The following THSD7A variants were observed in gnomAD, a reference collection of about 807,000 sequenced individuals.
THSD7A encodes thrombospondin type 1 domain containing 7A.
Under a neutral mutation model 231.3 loss-of-function variants are expected in THSD7A, and 96 were observed. That is an observed-to-expected ratio of 0.41 (90% CI 0.35 to 0.49). The LOEUF (loss-of-function observed/expected upper bound fraction) is 0.49. Among genes scored for constraint, THSD7A ranks in the 20% least tolerant of loss-of-function variants. THSD7A has a pLI of 0.05. For missense variants in THSD7A, 2,290 were observed against 2,070.2 expected (o/e 1.11, Z -2.06); for synonymous variants, 940 against 743.3 (o/e 1.26, Z -4.30).
chr7:11,760,105 A>G (rs1399200247), intron 1 of THSD7A, among the ~76,000 whole-genome samples: 1 of 152,108 alleles, frequency 6.6e-6, no homozygotes, highest in Non-Finnish European at 1.5e-5. Flanking sequence ...AAAGATGATG[A>G]TAGACACCTT....
chr7:11,784,147 T>C (rs1304800116), intron 1 of THSD7A, among the ~76,000 whole-genome samples: 1 of 152,012 alleles, frequency 6.6e-6, no homozygotes. Flanking sequence ...CTATTAATAC[T>C]GCTTGTGATT....
intron 1 of THSD7A, among the ~76,000 whole-genome samples, chr7:11,696,620 T>C (rs1410549740): frequency 6.6e-6 from 1 of 151,018 alleles, no homozygotes; most frequent in Admixed American, 6.6e-5. Context: ...CGCCAAATCA[T>C]GAGTGAACTC....
intron 1 of THSD7A, among the ~76,000 whole-genome samples, chr7:11,672,396 A>T (rs144147548): frequency 2.0e-4 from 31 of 152,278 alleles, no homozygotes; most frequent in African/African-American, 7.5e-4. Context: ...ATATCTAGCC[A>T]TTAAATTATA....
intron 2 of THSD7A, among the ~76,000 whole-genome samples, chr7:11,630,617 TG>T (rs1427128257): frequency 6.6e-6 from 1 of 152,200 alleles, no homozygotes; most frequent in Non-Finnish European, 1.5e-5. Context: ...ATCCTAAATC[TG>T]TCTTATTCCC....
intron 6 of THSD7A, among the ~76,000 whole-genome samples, chr7:11,529,495 G>A (rs1277427842): frequency 6.6e-6 from 1 of 152,058 alleles, no homozygotes; most frequent in Non-Finnish European, 1.5e-5. Context: ...GGGACCAGGT[G>A]GGAGGTATTT....
chr7:11,429,646 G>A (rs1283113513), intron 13 of THSD7A, among the ~76,000 whole-genome samples: 1 of 152,168 alleles, frequency 6.6e-6, no homozygotes, highest in African/African-American at 2.4e-5. Context: ...AAAAATGCAG[G>A]ATGTTAAGTA....
chr7:11,763,675 C>T (rs1344640817), intron 1 of THSD7A, among the ~76,000 whole-genome samples: 1 of 151,984 alleles, frequency 6.6e-6, no homozygotes, highest in Non-Finnish European at 1.5e-5. Flanking sequence ...TTTTTAATCA[C>T]AATAACTCAT....
chr7:11,759,049 C>T (rs941575392), intron 1 of THSD7A, among the ~76,000 whole-genome samples: 35 of 151,974 alleles, frequency 2.3e-4, no homozygotes, highest in Admixed American at 2.2e-3. Flanking sequence ...AAAGTAAACA[C>T]AAATTATCTC....
intron 13 of THSD7A, among the ~76,000 whole-genome samples, chr7:11,434,426 A>G (rs2128291377): frequency 6.6e-6 from 1 of 152,234 alleles, no homozygotes; most frequent in African/African-American, 2.4e-5. Context: ...TGCCTTTGAG[A>G]TACACACAAT....
chr7:11,673,720 G>T (rs973301494), intron 1 of THSD7A, among the ~76,000 whole-genome samples: 22 of 152,148 alleles, frequency 1.4e-4, no homozygotes, highest in African/African-American at 4.8e-4. Flanking sequence ...AAACTGGACT[G>T]GGAAGGGCAT....
At chr7:11,548,471 C>CA (rs1188840307) in intron 4 of THSD7A, among the ~76,000 whole-genome samples, 1 of 151,984 alleles carries the variant, frequency 6.6e-6, no homozygotes, top group South Asian at 2.1e-4. Flanking sequence ...AAAACTATTC[C>CA]AAAAAATTAA....
At chr7:11,700,063 A>G (rs1212960690) in intron 1 of THSD7A, among the ~76,000 whole-genome samples, 2 of 151,270 alleles carry the variant, frequency 1.3e-5, no homozygotes, top group East Asian at 3.9e-4. Context: ...AGTTATATTT[A>G]TTTTCATTGT....
chr7:11,469,756 C>A (rs1159405991), intron 9 of THSD7A, 123 bp downstream of exon 9: 3 of 591,246 alleles, frequency 5.1e-6, no homozygotes. Context: ...TTATGGCATG[C>A]ATGTCAAATC....
At chr7:11,783,072 A>G (rs1306120606) in intron 1 of THSD7A, among the ~76,000 whole-genome samples, 20 of 152,182 alleles carry the variant, frequency 1.3e-4, no homozygotes, top group Admixed American at 1.3e-3. Flanking sequence ...AAGGAGAGGC[A>G]TACTCAAAGC....
At chr7:11,672,968 T>G (rs1783461058) in intron 1 of THSD7A, among the ~76,000 whole-genome samples, 1 of 152,186 alleles carries the variant, frequency 6.6e-6, no homozygotes, top group African/African-American at 2.4e-5. Context: ...ATATTTAACA[T>G]AAGGTTTCTG....
chr7:11,778,156 C>CAAAAAAAAAAAA (rs57740181), intron 1 of THSD7A, among the ~76,000 whole-genome samples: 10 of 45,058 alleles, frequency 2.2e-4, no homozygotes, highest in African/African-American at 7.0e-4. Context: ...GACTCCGTCT[C>CAAAAAAAAAAAA]AAAAAAAAAA....
chr7:11,465,172 G>A (rs147742263), intron 9 of THSD7A, among the ~76,000 whole-genome samples: 2 of 152,222 alleles, frequency 1.3e-5, no homozygotes, highest in East Asian at 1.9e-4. Context: ...TTTGCTGAAC[G>A]CACAAACACA....
rs201552692 is a variant in THSD7A, at chr7:11,379,273, G to T, written c.4598C>A (p.Thr1533Lys). Residue 1533 changes from threonine (T) to lysine (K), a missense_variant, in exon 26 of 28, where the codon ACA becomes AAA. Thr to Lys is a moderately conservative substitution (Grantham distance 78, BLOSUM62 -1). Coordinates refer to ENST00000423059, the MANE Select transcript of THSD7A (RefSeq NM_015204.3). ...QPHSYCSETK[T>K]CHCEEGYTEV... The stretch of plus-strand genomic sequence containing the variant: ...AGTGTACCCTTCTTCACAATGGCAT[G>T]TTTTTGTCTGCAGGAGAACAAGAAG... The T allele has an allele frequency of 9.1e-5, 147 of 1,613,482 alleles. No homozygotes were observed. In the African/African-American group the frequency reaches 1.8e-3, roughly 20 times the overall value.
Position 11,613,467 on chromosome 7 carries a change from G to A in THSD7A, c.1023-19965C>T, listed in dbSNP as rs140113366. Among the ~76,000 whole-genome samples, 10 of 152,224 alleles carry A rather than the reference G, an allele frequency of 6.6e-5. No homozygotes were observed. The East Asian group carries it at 1.9e-3, about 29-fold the overall frequency. Reference sequence around the variant, plus strand: ...TCATAGTCATGTGATAATAACATATGGGGCTTTCAGGTTGTTGTGCAGAGT... The same window carrying A: ...TCATAGTCATGTGATAATAACATATAGGGCTTTCAGGTTGTTGTGCAGAGT... On this transcript the variant is annotated intron_variant, in intron 2 of 27. Coordinates refer to ENST00000423059, the MANE Select transcript of THSD7A (RefSeq NM_015204.3).
Sources: allele counts gnomAD v4.1 joint callset (sites outside exome capture counted in the v4.1 genomes callset), GRCh38; gene constraint gnomAD v4.1.1; transcripts MANE v1.5; gene names NCBI Gene and HGNC (gene_info 2026-07-23, HGNC 2026-07-21).